The following EVC variants were observed in gnomAD, a reference collection of about 807,000 sequenced individuals.
The protein encoded by EVC is EvC ciliary complex subunit 1.
In EVC, 116 loss-of-function variants were observed where a neutral mutation model predicts 118.9. The observed-to-expected ratio is 0.98, with a 90% CI of 0.84 to 1.14. EVC has a LOEUF of 1.14. Ranked by LOEUF, EVC falls within the 50% of genes most tolerant of loss-of-function variation. EVC has a pLI of 0.00. For missense variants in EVC, 1,401 were observed against 1,246.4 expected, an observed-to-expected ratio of 1.12 and a Z score of -1.87; for synonymous variants, 619 against 534.7, an observed-to-expected ratio of 1.16 and a Z score of -2.18.
chr4:5,716,583 G>C (rs1486881892), intron 1 of EVC, among the ~76,000 whole-genome samples: 4 of 152,102 alleles, frequency 2.6e-5, no homozygotes, highest in Admixed American at 2.6e-4. Flanking sequence ...CATTGGATGG[G>C]GGTCCAGGTT....
At chr4:5,806,392 C>T (rs144017227) in intron 17 of EVC, among the ~76,000 whole-genome samples, 35 of 152,158 alleles carry the variant, frequency 2.3e-4, no homozygotes, top group Middle Eastern at 3.4e-3. Flanking sequence ...TCATTCTACT[C>T]GCTGTGTCCA....
intron 11 of EVC, among the ~76,000 whole-genome samples, chr4:5,772,902 C>T (rs992312270): frequency 2.0e-5 from 3 of 152,142 alleles, no homozygotes; most frequent in African/African-American, 7.2e-5. Flanking sequence ...TGAGTCTCAG[C>T]TGAAATGTCA....
Position 5,812,097 on chromosome 4 carries a change from A to C in EVC, c.*1060A>C, listed in dbSNP as rs71599848. ...CTTCCAGACCAGCCCCTCACACCAC[A>C]GCCAGGAGAGGCCTTTCCCACCTGG... On this transcript the variant is annotated 3_prime_UTR_variant, in exon 21 of 21. Coordinates refer to ENST00000264956, the MANE Select transcript of EVC (RefSeq NM_153717.3). 2,910 of 126,782 alleles carry C rather than the reference A, an allele frequency of 0.023. 82 individuals are homozygous for C. The highest frequency in any genetic ancestry group is 0.053 in the African/African-American group (1,500 of 28,160). The allele number at this position is 126,782 out of a possible 1,614,324, so 7.9% of individuals were successfully genotyped here.
intron 11 of EVC, among the ~76,000 whole-genome samples, chr4:5,773,261 G>C (rs567532425): frequency 3.9e-5 from 6 of 152,152 alleles, no homozygotes; most frequent in Admixed American, 1.3e-4. Flanking sequence ...AAGACACCGG[G>C]AAACCCAGGG....
chr4:5,792,218 T>C (rs1006515256), intron 12 of EVC, among the ~76,000 whole-genome samples: 3 of 152,142 alleles, frequency 2.0e-5, no homozygotes, highest in Non-Finnish European at 2.9e-5. Context: ...AGCAGATCCA[T>C]TCAGATTGCT....
intron 11 of EVC, among the ~76,000 whole-genome samples, chr4:5,778,865 T>G (rs1387518673): frequency 6.6e-6 from 1 of 152,134 alleles, no homozygotes; most frequent in Non-Finnish European, 1.5e-5. Flanking sequence ...TTTGTGAATT[T>G]TGGCTTTTGT....
At chr4:5,767,254 T>C (rs71599820) in intron 11 of EVC, among the ~76,000 whole-genome samples, 93,968 of 150,714 alleles carry the variant, frequency 0.62, 29,567 homozygotes, top group Middle Eastern at 0.73. Flanking sequence ...GCAGTCTGCC[T>C]GTTCTCAGAT....
At chr4:5,799,641 G>T (rs1419029111) in intron 15 of EVC, among the ~76,000 whole-genome samples, 1 of 152,184 alleles carries the variant, frequency 6.6e-6, no homozygotes, top group East Asian at 1.9e-4. Context: ...GTGGCTGGGA[G>T]ACAGCAGCAG....
chr4:5,827,733 GCACA>G, the EVC span, among the ~76,000 whole-genome samples: 84 of 138,332 alleles, frequency 6.1e-4, no homozygotes, highest in Admixed American at 1.3e-3. Context: ...ATGTGCGCGT[GCACA>G]CACACACACA....
intron 11 of EVC, among the ~76,000 whole-genome samples, chr4:5,764,663 C>A: frequency 6.9e-6 from 1 of 144,198 alleles, no homozygotes; most frequent in East Asian, 2.0e-4. Context: ...TTATCCATTT[C>A]TTCTAGATTT....
chr4:5,729,782 T>C (rs979359601), intron 3 of EVC, among the ~76,000 whole-genome samples: 34 of 152,172 alleles, frequency 2.2e-4, no homozygotes, highest in African/African-American at 8.0e-4. Flanking sequence ...TGTTAAGTAT[T>C]TGTCATGCAT....
intron 11 of EVC, among the ~76,000 whole-genome samples, chr4:5,778,764 G>A (rs1275206152): frequency 6.6e-6 from 1 of 152,004 alleles, no homozygotes; most frequent in East Asian, 1.9e-4. Context: ...GAGTAGGTTG[G>A]GAAAATGTTC....
the EVC span, among the ~76,000 whole-genome samples, chr4:5,822,213 C>T: frequency 6.6e-6 from 1 of 152,226 alleles, no homozygotes; most frequent in Non-Finnish European, 1.5e-5. Flanking sequence ...CACAATCATA[C>T]TATGAAGGGG....
At chr4:5,757,392 G>T (rs1433665163) in intron 11 of EVC, among the ~76,000 whole-genome samples, 1 of 152,216 alleles carries the variant, frequency 6.6e-6, no homozygotes, top group African/African-American at 2.4e-5. Flanking sequence ...GTGGTGGGAA[G>T]TGCAACTCCT....
chr4:5,758,166 G>C, intron 11 of EVC: 2 of 701,162 alleles, frequency 2.9e-6, no homozygotes, highest in Non-Finnish European at 5.2e-6. Context: ...CACAAGCCGA[G>C]GAACACCTGC....
At chr4:5,792,781 A>C (rs1713040228) in intron 12 of EVC, among the ~76,000 whole-genome samples, 1 of 152,198 alleles carries the variant, frequency 6.6e-6, no homozygotes. Context: ...CATACCAGCA[A>C]CACCCAGTGA....
chr4:5,773,938 T>C (rs1419252195), intron 11 of EVC, among the ~76,000 whole-genome samples: 2 of 152,000 alleles, frequency 1.3e-5, no homozygotes, highest in Admixed American at 1.3e-4. Context: ...GGAACAAAAG[T>C]CTCCCAGGGG....
At position 5,746,579 on chromosome 4, in the gene EVC, G is replaced by T. The variant is rs1260452793; in HGVS notation, c.939+1238G>T. Among the ~76,000 whole-genome samples, 1 of 152,166 alleles carries T rather than the reference G, an allele frequency of 6.6e-6. No homozygotes were observed. Among genetic ancestry groups the T allele is most frequent in the African/African-American group, 2.4e-5 (1 of 41,432 alleles). ...GACTTTGAGGGCCAGAATGTTCTTA[G>T]AACTGTGGGCCAGGATGCTAAGGAA... is the stretch of plus-strand genomic sequence containing the variant. On this transcript the variant is annotated intron_variant, in intron 7 of 20. Coordinates refer to ENST00000264956, the MANE Select transcript of EVC (RefSeq NM_153717.3). The surrounding 1 kb of genome is among the most constrained non-coding windows in gnomAD (Gnocchi z 5.8).
chr4:5,720,579 C>T (rs750347999), intron 2 of EVC, among the ~76,000 whole-genome samples: 3 of 152,208 alleles, frequency 2.0e-5, no homozygotes, highest in Non-Finnish European at 2.9e-5. Context: ...CCCAAAGGTC[C>T]GACGTCAGTA....
Sources: allele counts gnomAD v4.1 joint callset (sites outside exome capture counted in the v4.1 genomes callset), GRCh38; gene constraint gnomAD v4.1.1; non-coding constraint Gnocchi (gnomAD v3.1); transcripts MANE v1.5; gene names NCBI Gene and HGNC (gene_info 2026-07-23, HGNC 2026-07-21).